The following PCDHA3 variants were observed in gnomAD, a reference collection of about 807,000 sequenced individuals.
PCDHA3 encodes protocadherin alpha-3.
PCDHA3 carries 41 observed loss-of-function variants against 62.2 expected under a neutral mutation model. That is an observed-to-expected ratio of 0.66 (90% confidence interval 0.51 to 0.86). PCDHA3 has a LOEUF of 0.86. Among genes scored for constraint, PCDHA3 ranks in the 40% least tolerant of loss-of-function variants. PCDHA3 has a pLI of 0.00. For missense variants in PCDHA3, 1,304 were observed against 1,241.2 expected (o/e 1.05, Z -0.76); for synonymous variants, 640 against 555.4 (o/e 1.15, Z -2.14).
Position 140,928,034 on chromosome 5 carries a change from G to T in PCDHA3, c.2395-50915G>T. 3 of 1,614,206 alleles carry T rather than the reference G, an allele frequency of 1.9e-6. No homozygotes were observed. Among genetic ancestry groups the T allele is most frequent in the Non-Finnish European group, 2.5e-6 (3 of 1,180,036 alleles). Reference sequence around the variant, plus strand: ...GGTAGGGTCATTTGTGGCATGTCTAGTGCAGGCCCTTTTCAGCTGACGGCT... The same window carrying T: ...GGTAGGGTCATTTGTGGCATGTCTATTGCAGGCCCTTTTCAGCTGACGGCT... On this transcript the variant is annotated intron_variant, in intron 1 of 3. Transcript: ENST00000522353.
At chr5:140,812,232 G>A (rs1320284400) in intron 1 of PCDHA3, 1 of 151,718 alleles carries the variant, frequency 6.6e-6, no homozygotes, top group Non-Finnish European at 1.5e-5. Flanking sequence ...TTATGATTAT[G>A]TCTTGGTAGT....
At chr5:140,861,658 G>C (rs913348410) in intron 1 of PCDHA3, 1 of 269,114 alleles carries the variant, frequency 3.7e-6, no homozygotes, top group Non-Finnish European at 7.4e-6. Flanking sequence ...TTTCTGAAAC[G>C]AGAGCTCTTG....
chr5:140,882,302 C>A, intron 1 of PCDHA3: 1 of 1,613,798 alleles, frequency 6.2e-7, no homozygotes, highest in Non-Finnish European at 8.5e-7. Context: ...CCCAAGACCG[C>A]GGCAACTACT....
chr5:140,921,486 G>A (rs782660925), intron 1 of PCDHA3, among the ~76,000 whole-genome samples: 1 of 152,128 alleles, frequency 6.6e-6, no homozygotes, highest in African/African-American at 2.4e-5. Flanking sequence ...CTCTACCTGA[G>A]ATTAGTTTAT....
At chr5:140,927,581 C>T (rs1554204769) in intron 1 of PCDHA3, 1 of 1,614,150 alleles carries the variant, frequency 6.2e-7, no homozygotes, top group East Asian at 2.2e-5. Context: ...AATGACAACG[C>T]GCCTGTATTT....
intron 1 of PCDHA3, chr5:140,850,605 A>T (rs2041706241): frequency 6.3e-7 from 1 of 1,598,464 alleles, no homozygotes; most frequent in African/African-American, 1.3e-5. Flanking sequence ...GATCATCGCC[A>T]TCTGCGCGGT....
chr5:140,852,064 C>G, intron 1 of PCDHA3: 1 of 904,052 alleles, frequency 1.1e-6, no homozygotes, highest in Non-Finnish European at 1.3e-6. Flanking sequence ...ATTTTTCTTT[C>G]TCTTTCAGCT....
chr5:140,918,511 C>G (rs574083461), intron 1 of PCDHA3, among the ~76,000 whole-genome samples: 1 of 152,144 alleles, frequency 6.6e-6, no homozygotes, highest in African/African-American at 2.4e-5. Flanking sequence ...TCCTTTTAAA[C>G]TTATTGAGGA....
intron 2 of PCDHA3, among the ~76,000 whole-genome samples, 188 bp downstream of exon 2, chr5:140,979,195 T>C (rs1554240340): frequency 1.3e-5 from 2 of 152,232 alleles, no homozygotes; most frequent in African/African-American, 4.8e-5. Context: ...GCCAGATGCT[T>C]ATCAAGTGCT....
At chr5:141,008,745 G>A (rs759690147) in intron 3 of PCDHA3, among the ~76,000 whole-genome samples, 5 of 152,200 alleles carry the variant, frequency 3.3e-5, no homozygotes, top group Non-Finnish European at 7.3e-5. Context: ...TGAGCACACT[G>A]AGGGAAGGAA....
intron 1 of PCDHA3, chr5:140,866,792 A>T (rs2049578190): frequency 6.6e-6 from 1 of 152,208 alleles, no homozygotes; most frequent in Non-Finnish European, 1.5e-5. Flanking sequence ...CTGATATAGT[A>T]AAAGTCAGGC....
At chr5:140,820,343 A>C (rs1190251005) in intron 1 of PCDHA3, among the ~76,000 whole-genome samples, 1 of 152,020 alleles carries the variant, frequency 6.6e-6, no homozygotes, top group Non-Finnish European at 1.5e-5. Context: ...TCCAGAAATC[A>C]AGTGAATTTC....
chr5:140,942,206 T>G (rs916002360), intron 1 of PCDHA3, among the ~76,000 whole-genome samples: 1 of 152,152 alleles, frequency 6.6e-6, no homozygotes, highest in African/African-American at 2.4e-5. Context: ...TTTTTGAGCA[T>G]AAGATATTTA....
At chr5:140,870,544 G>A in intron 1 of PCDHA3, 1 of 1,614,124 alleles carries the variant, frequency 6.2e-7, no homozygotes, top group South Asian at 1.1e-5. Context: ...GGCGCGGGAC[G>A]CGGACGCGCA....
chr5:141,005,664 T>G (rs1554260244), intron 3 of PCDHA3, among the ~76,000 whole-genome samples: 1 of 122,102 alleles, frequency 8.2e-6, no homozygotes. Flanking sequence ...ATCGCGCCAC[T>G]GCACTCCAGC....
At chr5:141,005,352 GGAATGTCATA>G (rs1261780276) in intron 3 of PCDHA3, among the ~76,000 whole-genome samples, 2 of 152,178 alleles carry the variant, frequency 1.3e-5, no homozygotes, top group Non-Finnish European at 2.9e-5. Flanking sequence ...TGCTTGGCTA[GGAATGTCATA>G]GAATGCCTTT....
chr5:140,998,805 C>T (rs1226450562), intron 3 of PCDHA3, among the ~76,000 whole-genome samples: 1 of 152,204 alleles, frequency 6.6e-6, no homozygotes, highest in Admixed American at 6.5e-5. Flanking sequence ...CTCAGGTGAT[C>T]TGCCTGCCTT....
At chr5:140,876,861 C>A in intron 1 of PCDHA3, 2 of 1,614,088 alleles carry the variant, frequency 1.2e-6, no homozygotes, top group Non-Finnish European at 1.7e-6. Flanking sequence ...ACACAGTGTT[C>A]GTGAAGGAGA....
At chr5:140,928,856 T>G (rs540865490) in intron 1 of PCDHA3, 1 of 1,614,218 alleles carries the variant, frequency 6.2e-7, no homozygotes, top group African/African-American at 1.3e-5. Context: ...CTGGGTGTGC[T>G]GTTGAGCAAC....
Sources: gnomAD v4.1 joint callset for allele counts (sites outside exome capture counted in the v4.1 genomes callset) on GRCh38, gnomAD v4.1.1 for gene constraint, MANE v1.5 for transcripts, NCBI Gene and HGNC (gene_info 2026-07-23, HGNC 2026-07-21) for gene names.